PEX11G: variants seen among roughly 807,000 people sequenced by gnomAD.
The protein encoded by PEX11G is peroxisomal membrane protein 11C.
PEX11G carries 20 observed loss-of-function variants against 22.5 expected under a neutral mutation model. The observed-to-expected ratio is 0.89, with a 90% CI of 0.62 to 1.29. The LOEUF (loss-of-function observed/expected upper bound fraction) is 1.29, where lower values mean the gene tolerates loss of function less well. Among genes scored for constraint, PEX11G ranks in the 50% most tolerant of loss-of-function variants. The pLI, the probability that PEX11G is intolerant of heterozygous loss-of-function variation, is 0.00. For missense variants in PEX11G, 347 were observed against 331.3 expected (o/e 1.05, Z -0.37); for synonymous variants, 141 against 154.5 (o/e 0.91, Z 0.65).
At chr19:7,486,899 A>C (rs2021685626) in intron 1 of PEX11G, among the ~76,000 whole-genome samples, 1 of 152,046 alleles carries the variant, frequency 6.6e-6, no homozygotes, top group Admixed American at 6.6e-5. Context: ...GCGCCTGGCT[A>C]CCAAAAATTT....
chr19:7,481,480 G>A (rs1437981478), intron 3 of PEX11G, among the ~76,000 whole-genome samples: 1 of 152,220 alleles, frequency 6.6e-6, no homozygotes, highest in Non-Finnish European at 1.5e-5. Flanking sequence ...GGGATTACAG[G>A]CATGAGCCAC....
At chr19:7,480,877 C>T (rs985636938) in intron 3 of PEX11G, among the ~76,000 whole-genome samples, 1 of 152,140 alleles carries the variant, frequency 6.6e-6, no homozygotes, top group African/African-American at 2.4e-5. Context: ...GGGATTCTGA[C>T]TCAGCGCATT....
At chr19:7,489,040 G>A (rs1189728003), upstream of PEX11G, 6 of 1,493,356 alleles carry the variant, frequency 4.0e-6, no homozygotes, top group Non-Finnish European at 5.3e-6. Context: ...CGCGACGTCG[G>A]CGCGCCGCGC....
chr19:7,488,015 G>A (rs887364925), intron 1 of PEX11G, among the ~76,000 whole-genome samples: 3 of 152,196 alleles, frequency 2.0e-5, no homozygotes, highest in Non-Finnish European at 4.4e-5. Context: ...TAACCTAAAT[G>A]TTCAACCATA....
At chr19:7,483,375 C>CG (rs1977598342) in intron 2 of PEX11G, 1 of 152,362 alleles carries the variant, frequency 6.6e-6, no homozygotes, top group Admixed American at 6.5e-5. Context: ...TCATTCCGCC[C>CG]GGATTTCCTG....
chr19:7,491,396 A>G (rs150484316), upstream of PEX11G, among the ~76,000 whole-genome samples: 920 of 151,192 alleles, frequency 6.1e-3, 11 homozygotes, highest in African/African-American at 0.021. Flanking sequence ...CGGCCTCCCA[A>G]GTGGCTGAGA....
rs1977252211 is a variant in PEX11G, at chr19:7,477,177, G to A, written c.*25C>T. On this transcript the variant is annotated 3_prime_UTR_variant, in exon 5 of 5. Transcript: ENST00000221480. ...GAAGGGCCCTCCGTGGGCTCTGGCT[G>A]TGTCCCTGTGCTCTTCCGGCAGTGT... 1 of 1,433,666 alleles carries A rather than the reference G, an allele frequency of 7.0e-7. No homozygotes were observed. The highest frequency in any genetic ancestry group is 9.2e-7 in the Non-Finnish European group (1 of 1,092,552). The allele number at this position is 1,433,666 out of a possible 1,614,324, so 88.8% of individuals were successfully genotyped here.
chr19:7,489,367 G>A (rs2021823473), upstream of PEX11G: 2 of 1,066,474 alleles, frequency 1.9e-6, no homozygotes, highest in East Asian at 7.3e-5. Flanking sequence ...GTGGTTCAAG[G>A]AGAGATTTTC....
Position 7,485,865 on chromosome 19 carries a change from G to A in PEX11G, c.222C>T (p.Tyr74=). The stretch of plus-strand genomic sequence containing the variant: ...GTGCCCCCAGGCCATATTGCTTAGT[G>A]TAGACAAACATGGCCAGGTCATCAA... ...RLFDDLAMFV[Y]TKQYGLGAQE... The change falls in exon 2 of 5, where the codon TAC becomes TAT. Residue 74 remains tyrosine (Y), a synonymous_variant. Transcript: ENST00000221480. 1 of 1,611,714 alleles carries A rather than the reference G, an allele frequency of 6.2e-7. No individual in the cohort carries two copies. The highest frequency in any genetic ancestry group is 1.1e-5 in the South Asian group (1 of 90,954).
intron 1 of PEX11G, among the ~76,000 whole-genome samples, chr19:7,488,430 AT>A (rs1475989347): frequency 1.3e-5 from 2 of 152,380 alleles, no homozygotes; most frequent in Admixed American, 6.5e-5. Context: ...GCCTGGTCGG[AT>A]CCAAAACGTC....
intron 3 of PEX11G, among the ~76,000 whole-genome samples, chr19:7,479,108 T>C (rs958540887): frequency 1.3e-5 from 2 of 152,192 alleles, no homozygotes; most frequent in East Asian, 3.8e-4. Context: ...GGATGCAGGA[T>C]AGCGCCAGTG....
chr19:7,488,829 C>G, intron 1 of PEX11G, 122 bp downstream of exon 1: 1 of 1,018,918 alleles, frequency 9.8e-7, no homozygotes, highest in Non-Finnish European at 1.5e-6. Flanking sequence ...TTGAGCCTAG[C>G]TCGGACGGGG....
At chr19:7,478,143 C>T (rs1977316958) in intron 4 of PEX11G, among the ~76,000 whole-genome samples, 171 bp downstream of exon 4, 1 of 152,248 alleles carries the variant, frequency 6.6e-6, no homozygotes, top group Non-Finnish European at 1.5e-5. Context: ...AAGCAAGCCT[C>T]AGTTTCTCCA....
In PEX11G at chr19:7,477,200, T is replaced by C. The variant is rs1287650914; in HGVS notation, c.*2A>G. On this transcript the variant is annotated 3_prime_UTR_variant, in exon 5 of 5. Transcript: ENST00000221480. ...CTGTGTCCCTGTGCTCTTCCGGCAG[T>C]GTCAGGGGGTAGTGGCCTCGGCCTG... 3 of 1,480,686 alleles carry C rather than the reference T, an allele frequency of 2.0e-6. No individual in the cohort carries two copies. Among genetic ancestry groups the C allele is most frequent in the Non-Finnish European group, 2.7e-6 (3 of 1,118,634 alleles). The allele number at this position is 1,480,686 out of a possible 1,614,324, so 91.7% of individuals were successfully genotyped here.
upstream of PEX11G, among the ~76,000 whole-genome samples, chr19:7,491,741 C>T (rs973926365): frequency 6.6e-6 from 1 of 152,164 alleles, no homozygotes; most frequent in African/African-American, 2.4e-5. Flanking sequence ...CAGCCTTGAA[C>T]TCCTGGGCCT....
At chr19:7,488,514 C>A (rs1448645921) in intron 1 of PEX11G, among the ~76,000 whole-genome samples, 1 of 151,800 alleles carries the variant, frequency 6.6e-6, no homozygotes, top group Non-Finnish European at 1.5e-5. Flanking sequence ...AAATGTCCAA[C>A]GCTGGCCAGA....
upstream of PEX11G, chr19:7,489,586 A>G (rs1436304652): frequency 4.8e-6 from 4 of 825,944 alleles, no homozygotes; most frequent in Admixed American, 1.2e-4. Flanking sequence ...GACAACCATC[A>G]CCCCTTGCTA....
rs766238240 is a variant in PEX11G at position 7,477,346 on chromosome 19, G to A, written c.582C>T (p.Asn194=). The A allele has an allele frequency of 9.0e-6, 14 of 1,559,110 alleles. No homozygotes were observed. The highest frequency in any genetic ancestry group is 7.8e-5 in the Admixed American group (4 of 51,532). Residue 194 remains asparagine (N), a synonymous_variant, in exon 5 of 5, where the codon AAC becomes AAT. Coordinates refer to ENST00000221480, the MANE Select transcript of PEX11G (RefSeq NM_080662.4). The part of the protein sequence containing the change: ...SLLSNLADLA[N]AVHWLPRGVL... ...CGCCCCGGGGCAGCCAGTGCACGGC[G>A]TTGGCCAGGTCGGCCAGGTTGCTGA...
Position 7,477,227 on chromosome 19 carries a change from C to T in PEX11G, c.701G>A (p.Gly234Asp), listed in dbSNP as rs1178871428. The change falls in exon 5 of 5, where the codon GGC becomes GAC. Residue 234 changes from glycine (G) to aspartate (D), a missense_variant. Gly to Asp is a moderately conservative substitution (Grantham distance 94, BLOSUM62 -1). Transcript: ENST00000221480. ...TCAGGGGGTAGTGGCCTCGGCCTGG[C>T]CGCCGGCCCGGGCCGCCTGGTACAT... Reference protein sequence around the residue: ...LSMYQAARAGGQAEATTP With the variant: ...LSMYQAARAGDQAEATTP 1 of 1,527,326 alleles carries T rather than the reference C, an allele frequency of 6.5e-7. No individual in the cohort carries two copies. Among genetic ancestry groups the T allele is most frequent in the Admixed American group, 2.2e-5 (1 of 44,690 alleles). 94.6% of individuals were successfully genotyped at this position (1,527,326 alleles called of 1,614,324 possible).
Sources: gnomAD v4.1 joint callset for allele counts (sites outside exome capture counted in the v4.1 genomes callset) on GRCh38, gnomAD v4.1.1 for gene constraint, MANE v1.5 for transcripts, NCBI Gene and HGNC (gene_info 2026-07-23, HGNC 2026-07-21) for gene names.